SP4: variants seen among roughly 807,000 people sequenced by gnomAD.
SP4 encodes Sp4 transcription factor, also known as transcription factor Sp4.
In SP4, 19 loss-of-function variants were observed where a neutral mutation model predicts 72.8. The ratio of observed to expected loss-of-function variants is 0.26; its 90% CI spans 0.18 to 0.38. The LOEUF is 0.38. SP4 is among the 10% of genes least tolerant of loss of function. The pLI is 1.00. For synonymous variants in SP4, 395 were observed against 333.1 expected, an observed-to-expected ratio of 1.19 and a Z score of -2.02; for missense variants, 1,008 against 926.3, an observed-to-expected ratio of 1.09 and a Z score of -1.14.
rs1554292050 is a variant in SP4 at position 21,428,188 on chromosome 7, G to GCCCCCA, written c.-54_-49dup. On this transcript the variant is annotated 5_prime_UTR_variant, in exon 1 of 6. Coordinates refer to ENST00000222584, the MANE Select transcript of SP4 (RefSeq NM_003112.5). ...CGGGACCGGCCTCTCCTCCCGCCTC[G>GCCCCCA]CCCCCACCCCCACCCACCTCTATCC... is the stretch of plus-strand genomic sequence containing the variant. The GCCCCCA allele has an allele frequency of 1.1e-5, 4 of 375,044 alleles. No homozygotes were observed. The highest frequency in any genetic ancestry group is 6.6e-5 in the East Asian group (1 of 15,134). The allele number at this position is 375,044 out of a possible 1,614,324, so 23.2% of individuals were successfully genotyped here.
chr7:21,430,747 G>T lies in SP4; in HGVS notation c.1582G>T (p.Ala528Ser), dbSNP rs201552229. Residue 528 changes from alanine to serine, a missense_variant, in exon 3 of 6, where the codon GCA becomes TCA. Physicochemically the swap from Ala to Ser is moderately conservative, Grantham distance 99 (BLOSUM62 1). Around this residue, in one of 3 missense-constraint regions of SP4, gnomAD observed 893 missense variants for 743.3 expected, o/e 1.20. Coordinates refer to ENST00000222584, the MANE Select transcript of SP4 (RefSeq NM_003112.5). ...APITLNTAQL[A>S]SVPNLQTVSV... ...AATAACTTTGAATACTGCCCAGCTT[G>T]CATCAGTGCCTAACCTTCAGACAGT... 6.2e-7 allele frequency: 1 copy of T among 1,614,204 alleles called. No individual in the cohort carries two copies. Among genetic ancestry groups the T allele is most frequent in the South Asian group, 1.1e-5 (1 of 91,084 alleles).
chr7:21,446,686 T>C (rs1375998132), intron 3 of SP4, among the ~76,000 whole-genome samples: 3 of 152,246 alleles, frequency 2.0e-5, no homozygotes, highest in Non-Finnish European at 2.9e-5. Flanking sequence ...ATCAGCTTAA[T>C]TTTATTTCAC....
At chr7:21,459,309 CAG>C (rs2128401343) in intron 3 of SP4, among the ~76,000 whole-genome samples, 1 of 152,168 alleles carries the variant, frequency 6.6e-6, no homozygotes, top group South Asian at 2.1e-4. Flanking sequence ...TTAGTAGAGA[CAG>C]GGTTTCACTG....
At chr7:21,496,515 A>G (rs562607789) in intron 5 of SP4, among the ~76,000 whole-genome samples, 97 of 152,252 alleles carry the variant, frequency 6.4e-4, no homozygotes, top group African/African-American at 2.3e-3. Flanking sequence ...TCAAGAGGCT[A>G]ATTGTCTTCC....
At chr7:21,435,328 A>G (rs561037297) in intron 3 of SP4, among the ~76,000 whole-genome samples, 1 of 152,340 alleles carries the variant, frequency 6.6e-6, no homozygotes, top group South Asian at 2.1e-4. Context: ...AGGAATTAAA[A>G]TATGAAACCT....
chr7:21,487,821 T>G (rs1784862880), intron 5 of SP4, among the ~76,000 whole-genome samples: 1 of 151,716 alleles, frequency 6.6e-6, no homozygotes, highest in Non-Finnish European at 1.5e-5. Flanking sequence ...TTTGATGAAA[T>G]CTTAAGTGAA....
chr7:21,428,087 C>G lies in SP4; in HGVS notation c.-165C>G. On this transcript the variant is annotated 5_prime_UTR_variant, in exon 1 of 6. Transcript: ENST00000222584. ...GGAGAGAGGAGCTGCTACGCCACAG[C>G]CCAGCGGCGGCCATTCGCGGAAAAA... The G allele has an allele frequency of 3.0e-6, 2 of 665,706 alleles. No individual in the cohort carries two copies. The highest frequency in any genetic ancestry group is 5.6e-6 in the Non-Finnish European group (2 of 358,476). The allele number at this position is 665,706 out of a possible 1,614,324, so 41.2% of individuals were successfully genotyped here.
Position 21,428,199 on chromosome 7 carries a change from C to CCCCCCCCCCCAAAA in SP4, c.-53_-52insCCCCCCCCCCAAAA. On this transcript the variant is annotated 5_prime_UTR_variant, in exon 1 of 6. Transcript: ENST00000222584. Reference sequence around the variant, plus strand: ...TCTCCTCCCGCCTCGCCCCCACCCCCACCCACCTCTATCCCAGTGTCTCCG... The same window carrying CCCCCCCCCCCAAAA: ...TCTCCTCCCGCCTCGCCCCCACCCCCCCCCCCCCCCAAAAACCCACCTCTATCCCAGTGTCTCCG... 1.8e-6 allele frequency: 2 copies of CCCCCCCCCCCAAAA among 1,119,136 alleles called. No homozygotes were observed. Among genetic ancestry groups the CCCCCCCCCCCAAAA allele is most frequent in the Admixed American group, 2.1e-5 (1 of 47,594 alleles). The allele number at this position is 1,119,136 out of a possible 1,614,324, so 69.3% of individuals were successfully genotyped here. A position where few individuals can be genotyped will look rare whatever the true frequency, so the allele number is the denominator to read the frequency against.
chr7:21,428,203 C>CCCCCCCCCA lies in SP4; in HGVS notation c.-49_-48insCCCCCCCCA. The CCCCCCCCCA allele has an allele frequency of 1.6e-6, 2 of 1,216,718 alleles. No individual in the cohort carries two copies. The highest frequency in any genetic ancestry group is 1.2e-6 in the Non-Finnish European group (1 of 854,964). 75.4% of individuals were successfully genotyped at this position (1,216,718 alleles called of 1,614,324 possible). A position where few individuals can be genotyped will look rare whatever the true frequency, so the allele number is the denominator to read the frequency against. On this transcript the variant is annotated 5_prime_UTR_variant, in exon 1 of 6. Coordinates refer to ENST00000222584, the MANE Select transcript of SP4 (RefSeq NM_003112.5). ...CTCCCGCCTCGCCCCCACCCCCACCCACCTCTATCCCAGTGTCTCCGTCTG... is the reference window on the plus strand; with the variant it reads ...CTCCCGCCTCGCCCCCACCCCCACCCCCCCCCCCAACCTCTATCCCAGTGTCTCCGTCTG...
chr7:21,431,553 G>A (rs149084003), intron 3 of SP4, among the ~76,000 whole-genome samples: 1 of 152,206 alleles, frequency 6.6e-6, no homozygotes, highest in African/African-American at 2.4e-5. Context: ...AATGAAAAAT[G>A]TTGACAGTAA....
At chr7:21,494,677 C>G (rs183035603) in intron 5 of SP4, among the ~76,000 whole-genome samples, 2 of 152,220 alleles carry the variant, frequency 1.3e-5, no homozygotes, top group Admixed American at 1.3e-4. Context: ...GATTGGATGG[C>G]CCAATATTGT....
At chr7:21,472,483 G>C (rs1169580961) in intron 3 of SP4, among the ~76,000 whole-genome samples, 1 of 151,982 alleles carries the variant, frequency 6.6e-6, no homozygotes, top group African/African-American at 2.4e-5. Flanking sequence ...TTAAGAGATG[G>C]CATCTCACTG....
At chr7:21,480,767 A>G (rs1403997826) in intron 4 of SP4, among the ~76,000 whole-genome samples, 1 of 152,106 alleles carries the variant, frequency 6.6e-6, no homozygotes, top group Non-Finnish European at 1.5e-5. Flanking sequence ...TTAAGCCTTT[A>G]TTTCCAGTGA....
rs1267232963 is a variant in SP4, at chr7:21,429,820, A to G, written c.655A>G (p.Ile219Val). ...TGCTAACAGGACAGCTTCTGGGAAT[A>G]TTCTTGCTCAAAACCTGGCAAATCA... Reference protein sequence around the residue: ...TAANRTASGNILAQNLANQTV... With the variant: ...TAANRTASGNVLAQNLANQTV... Residue 219 changes from isoleucine to valine, a missense_variant, in exon 3 of 6, where the codon ATT (isoleucine) becomes GTT (valine). This residue lies in a region of SP4 where 893 missense variants were observed against 743.3 expected (regional missense o/e 1.20). Transcript: ENST00000222584. The G allele has an allele frequency of 1.9e-6, 3 of 1,614,106 alleles. No individual in the cohort carries two copies. The highest frequency in any genetic ancestry group is 1.3e-5 in the African/African-American group (1 of 74,940).
At chr7:21,507,243 T>C (rs773863293) in intron 5 of SP4, among the ~76,000 whole-genome samples, 2 of 152,160 alleles carry the variant, frequency 1.3e-5, no homozygotes, top group Non-Finnish European at 2.9e-5. Context: ...ACAAAGCCAG[T>C]CTCTCCCTGT....
At chr7:21,477,419 A>G (rs1437355385) in intron 4 of SP4, 112 bp downstream of exon 4, 1 of 673,680 alleles carries the variant, frequency 1.5e-6, no homozygotes, top group African/African-American at 1.8e-5. Context: ...TTTGTAGCCT[A>G]GAAGTTGATA....
intron 3 of SP4, among the ~76,000 whole-genome samples, chr7:21,456,626 G>T (rs1483080251): frequency 6.6e-6 from 1 of 152,196 alleles, no homozygotes; most frequent in African/African-American, 2.4e-5. Flanking sequence ...AGGCAGTCTG[G>T]CGGGTGTGCA....
chr7:21,508,807 C>CTTTTTTTTTTTTTTTT (rs11418275), intron 5 of SP4, among the ~76,000 whole-genome samples: 1 of 111,534 alleles, frequency 9.0e-6, no homozygotes. Context: ...TGTCTACACA[C>CTTTTTTTTTTTTTTTT]TTTTTTTTTT....
At chr7:21,472,510 C>T (rs1213752661) in intron 3 of SP4, among the ~76,000 whole-genome samples, 1 of 151,752 alleles carries the variant, frequency 6.6e-6, no homozygotes, top group Non-Finnish European at 1.5e-5. Context: ...CTAGGTTGGT[C>T]TTGAACTCCT....
Sources: allele counts gnomAD v4.1 joint callset (sites outside exome capture counted in the v4.1 genomes callset), GRCh38; gene constraint gnomAD v4.1.1; regional missense constraint gnomAD v4.1.1; transcripts MANE v1.5; gene names NCBI Gene and HGNC (gene_info 2026-07-23, HGNC 2026-07-21).